UBXN6: variants seen among roughly 807,000 people sequenced by gnomAD.
UBXN6 encodes the protein UBX domain protein 6.
In UBXN6, 44 loss-of-function variants were observed where a neutral mutation model predicts 51.4. That is an observed-to-expected ratio of 0.86 (90% CI 0.67 to 1.10). UBXN6 has a LOEUF of 1.10. Ranked by LOEUF, UBXN6 falls within the 50% of genes least tolerant of loss-of-function variation. UBXN6 has a pLI of 0.00. For synonymous variants in UBXN6, 316 were observed against 263.2 expected (o/e 1.20, Z -1.94); for missense variants, 672 against 596.1 (o/e 1.13, Z -1.32).
rs576921068 is a variant in UBXN6 at position 4,445,979 on chromosome 19, T to G, written c.1200+70A>C. On this transcript the variant is annotated intron_variant, in intron 10 of 10. Transcript: ENST00000301281. Reference sequence around the variant, plus strand: ...GAACAAGGAGGCTCCCTCCTGGGGGTGTCTGTGCCGGTCCCAGGAGAACCT... The same window carrying G: ...GAACAAGGAGGCTCCCTCCTGGGGGGGTCTGTGCCGGTCCCAGGAGAACCT... 2.7e-4 allele frequency: 413 copies of G among 1,526,820 alleles called. 3 individuals are homozygous for G. The African/African-American group carries it at 4.6e-3, about 17-fold the overall frequency. The allele number at this position is 1,526,820 out of a possible 1,614,324, so 94.6% of individuals were successfully genotyped here. A position where few individuals can be genotyped will look rare whatever the true frequency, so the allele number is the denominator to read the frequency against.
intron 3 of UBXN6, 149 bp downstream of exon 3, chr19:4,453,309 G>A (rs995401202): frequency 1.5e-5 from 13 of 859,896 alleles, no homozygotes; most frequent in African/African-American, 8.5e-5. Context: ...AGACAACACC[G>A]TGTTCCACCA....
chr19:4,453,393 C>T, intron 3 of UBXN6, 65 bp downstream of exon 3: 1 of 1,562,624 alleles, frequency 6.4e-7, no homozygotes, highest in East Asian at 2.3e-5. Context: ...CACATCTCCC[C>T]CGTGACACAG....
intron 4 of UBXN6, 100 bp from the exon 5 acceptor site, chr19:4,448,515 C>T (rs1017039561): frequency 3.0e-5 from 28 of 923,234 alleles, no homozygotes; most frequent in Middle Eastern, 2.5e-4. Context: ...GGCAGAACAG[C>T]GGCTTGGAGC....
intron 5 of UBXN6, chr19:4,447,953 A>T: frequency 2.0e-6 from 1 of 496,200 alleles, no homozygotes; most frequent in Admixed American, 3.3e-5. Context: ...CAGTGCCAGC[A>T]GGGGGCTCCT....
chr19:4,446,224 T>C, intron 9 of UBXN6, 27 bp from the exon 10 acceptor site: 3 of 1,583,686 alleles, frequency 1.9e-6, no homozygotes, highest in Non-Finnish European at 2.6e-6. Context: ...TCAGAGCGGG[T>C]GGGGCCCAGG....
At chr19:4,457,820 AAAAT>A, upstream of UBXN6, 1 of 539,800 alleles carries the variant, frequency 1.9e-6, no homozygotes, top group East Asian at 7.8e-5. Flanking sequence ...AAAAAAAAAA[AAAAT>A]TTACCTCGCC....
At position 4,446,492 on chromosome 19, in the gene UBXN6, A is replaced by G. The variant is rs1018118669; in HGVS notation, c.920+8T>C. ...CGCCCCACTCTGCTCCGCGGACGTC[A>G]GGCCCACCTGAGCCTCTGCTCCCGC... is the stretch of plus-strand genomic sequence containing the variant. On this transcript the variant is annotated splice_region_variant and intron_variant, in intron 8 of 10. Coordinates refer to ENST00000301281, the MANE Select transcript of UBXN6 (RefSeq NM_025241.3). 6.2e-7 allele frequency: 1 copy of G among 1,604,106 alleles called. No individual in the cohort carries two copies. Among genetic ancestry groups the G allele is most frequent in the Non-Finnish European group, 8.5e-7 (1 of 1,177,128 alleles).
At chr19:4,447,251 G>A in intron 6 of UBXN6, 2 of 571,748 alleles carry the variant, frequency 3.5e-6, no homozygotes, top group Admixed American at 3.0e-5. Context: ...CCAGACATCT[G>A]GTTTGCATGA....
intron 5 of UBXN6, 126 bp downstream of exon 5, chr19:4,448,192 G>C: frequency 1.2e-6 from 1 of 839,118 alleles, no homozygotes; most frequent in South Asian, 1.6e-5. Context: ...CCTCACTCTC[G>C]GCCTATGCTC....
chr19:4,453,778 C>A, intron 2 of UBXN6, 152 bp downstream of exon 2: 1 of 1,245,142 alleles, frequency 8.0e-7, no homozygotes, highest in Non-Finnish European at 1.1e-6. Context: ...AGGAAGCTGC[C>A]CTTCCCCCAG....
chr19:4,451,926 G>T (rs917994152), intron 4 of UBXN6, among the ~76,000 whole-genome samples: 2 of 152,064 alleles, frequency 1.3e-5, no homozygotes, highest in South Asian at 2.1e-4. Flanking sequence ...GAGGCGGGTT[G>T]ATCACTTGAG....
intron 4 of UBXN6, chr19:4,450,184 C>A (rs1025734563): frequency 1.4e-5 from 2 of 146,990 alleles, no homozygotes; most frequent in Admixed American, 6.9e-5. Flanking sequence ...GAGATTGCAC[C>A]ACTGCACTCC....
chr19:4,445,423 C>T lies in UBXN6; in HGVS notation c.*75G>A. ...AGTATTTCCAGAGGTGGCTTGGAGG[C>T]CCTGGGGTGGCGGGGAGAGGAACAG... On this transcript the variant is annotated 3_prime_UTR_variant, in exon 11 of 11. Coordinates refer to ENST00000301281, the MANE Select transcript of UBXN6 (RefSeq NM_025241.3). 6.3e-7 allele frequency: 1 copy of T among 1,596,030 alleles called. No individual in the cohort carries two copies. The highest frequency in any genetic ancestry group is 8.6e-7 in the Non-Finnish European group (1 of 1,169,030).
At chr19:4,454,869 C>T (rs1974717470) in intron 1 of UBXN6, 2 of 152,284 alleles carry the variant, frequency 1.3e-5, no homozygotes, top group Middle Eastern at 3.2e-3. Flanking sequence ...TTGGTTTACT[C>T]CTCCTAACAA....
Position 4,455,104 on chromosome 19 carries a change from G to A in UBXN6, c.84-1011C>T, listed in dbSNP as rs1044754856. The A allele has an allele frequency of 6.2e-6, 4 of 645,658 alleles. No individual in the cohort carries two copies. In the South Asian group the frequency reaches 2.1e-4, roughly 34 times the overall value. 40.0% of individuals were successfully genotyped at this position (645,658 alleles called of 1,614,324 possible). On this transcript the variant is annotated intron_variant, in intron 1 of 10. Transcript: ENST00000301281. The stretch of plus-strand genomic sequence containing the variant: ...TGAGCCCTACACCAAGGAGAGTTCC[G>A]TAACCCACGTGGCACAGTGACCTGG...
At position 4,448,327 on chromosome 19, in the gene UBXN6, G is replaced by A; in HGVS notation, c.530C>T (p.Thr177Ile). Residue 177 changes from threonine (T) to isoleucine (I), a missense_variant, in exon 5 of 11, where the codon ACC (threonine) becomes ATC (isoleucine). Thr to Ile is a moderately conservative substitution (Grantham distance 89, BLOSUM62 -1). Coordinates refer to ENST00000301281, the MANE Select transcript of UBXN6 (RefSeq NM_025241.3). Reference sequence around the variant, plus strand: ...GGGGCCACACGCTCACTTGGCAATGGTGTCCACACCCAGCTTCACCCGGTC... The same window carrying A: ...GGGGCCACACGCTCACTTGGCAATGATGTCCACACCCAGCTTCACCCGGTC... Reference protein sequence around the residue: ...DQDRVKLGVDTIAKYLDNIHL... With the variant: ...DQDRVKLGVDIIAKYLDNIHL... 4 of 1,606,812 alleles carry A rather than the reference G, an allele frequency of 2.5e-6. No homozygotes were observed. Among genetic ancestry groups the A allele is most frequent in the Non-Finnish European group, 3.4e-6 (4 of 1,177,426 alleles).
chr19:4,448,529 C>T (rs1974588958), intron 4 of UBXN6, 114 bp from the exon 5 acceptor site: 1 of 821,104 alleles, frequency 1.2e-6, no homozygotes, highest in Non-Finnish European at 2.0e-6. Context: ...TTGGAGCGGC[C>T]CCAGCTGTGC....
chr19:4,452,584 C>G (rs145338031), intron 3 of UBXN6, 92 bp from the exon 4 acceptor site: 14 of 1,455,838 alleles, frequency 9.6e-6, no homozygotes, highest in Admixed American at 2.3e-5. Context: ...GCCCGTAGAA[C>G]CAGACATCTC....
intron 4 of UBXN6, 171 bp from the exon 5 acceptor site, chr19:4,448,586 G>T: frequency 3.2e-6 from 2 of 628,092 alleles, no homozygotes; most frequent in South Asian, 1.9e-5. Flanking sequence ...CCGCAGCCCT[G>T]CCCACGCCCC....
Sources: allele counts gnomAD v4.1 joint callset (sites outside exome capture counted in the v4.1 genomes callset), GRCh38; gene constraint gnomAD v4.1.1; transcripts MANE v1.5; gene names NCBI Gene and HGNC (gene_info 2026-07-23, HGNC 2026-07-21).